The following PIK3CB variants were observed in gnomAD, a reference collection of about 807,000 sequenced individuals.
PIK3CB encodes the protein phosphatidylinositol-4,5-bisphosphate 3-kinase catalytic subunit beta, also known as phosphatidylinositol 4,5-bisphosphate 3-kinase catalytic subunit beta isoform.
Under a neutral mutation model 136.8 loss-of-function variants are expected in PIK3CB, and 39 were observed. The observed-to-expected ratio is 0.29, with a 90% CI of 0.22 to 0.37. PIK3CB has a LOEUF of 0.37. PIK3CB is among the 10% of genes least tolerant of loss of function. PIK3CB has a pLI of 1.00. For synonymous variants in PIK3CB, 428 were observed against 436.6 expected, an observed-to-expected ratio of 0.98 and a Z score of 0.25; for missense variants, 868 against 1,275.4, an observed-to-expected ratio of 0.68 and a Z score of 4.87.
intron 4 of PIK3CB, among the ~76,000 whole-genome samples, chr3:138,746,247 A>G (rs1401110998): frequency 6.6e-6 from 1 of 152,206 alleles, no homozygotes; most frequent in Non-Finnish European, 1.5e-5. Context: ...CTGTTCAGGC[A>G]GGTATCTATT....
chr3:138,684,409 C>A (rs1473407886), intron 17 of PIK3CB, among the ~76,000 whole-genome samples: 1 of 152,104 alleles, frequency 6.6e-6, no homozygotes, highest in Non-Finnish European at 1.5e-5. Flanking sequence ...AATATAAATT[C>A]ATTTGTAATA....
intron 8 of PIK3CB, among the ~76,000 whole-genome samples, chr3:138,725,107 C>T (rs1172646119): frequency 6.6e-6 from 1 of 152,068 alleles, no homozygotes; most frequent in Non-Finnish European, 1.5e-5. Context: ...CCAGACTTCA[C>T]TTCTATGCAA....
At chr3:138,801,588 TAGCCAGGCGC>T (rs1286452498) in intron 1 of PIK3CB, among the ~76,000 whole-genome samples, 1 of 151,684 alleles carries the variant, frequency 6.6e-6, no homozygotes, top group Admixed American at 6.6e-5. Context: ...AATAAAAAAT[TAGCCAGGCGC>T]GGTAGCTCAC....
intron 19 of PIK3CB, among the ~76,000 whole-genome samples, chr3:138,671,792 G>A (rs2043538323): frequency 6.6e-6 from 1 of 152,284 alleles, no homozygotes; most frequent in South Asian, 2.1e-4. Flanking sequence ...GGGCACGACA[G>A]CCTTTATTCC....
chr3:138,725,368 C>G (rs1223843809), intron 8 of PIK3CB, among the ~76,000 whole-genome samples: 2 of 152,074 alleles, frequency 1.3e-5, no homozygotes, highest in African/African-American at 2.4e-5. Flanking sequence ...GTGTTTCTGT[C>G]TTTTGCTGAC....
At chr3:138,801,149 T>C (rs531675103) in intron 1 of PIK3CB, among the ~76,000 whole-genome samples, 51 of 152,162 alleles carry the variant, frequency 3.4e-4, no homozygotes, top group South Asian at 8.3e-4. Context: ...CTAACAAAAT[T>C]CTCTAGGCAC....
At chr3:138,825,126 G>T in intron 1 of PIK3CB, 1 of 290,466 alleles carries the variant, frequency 3.4e-6, no homozygotes, top group South Asian at 6.9e-5. Flanking sequence ...CTGGGTCTTG[G>T]ATAAACTGAA....
intron 2 of PIK3CB, among the ~76,000 whole-genome samples, chr3:138,762,902 G>A (rs535464548): frequency 2.0e-5 from 3 of 152,202 alleles, no homozygotes; most frequent in African/African-American, 7.2e-5. Context: ...GGAGGTTGCA[G>A]TGGGCCAAGA....
chr3:138,754,824 A>G (rs1489568599), intron 4 of PIK3CB, among the ~76,000 whole-genome samples: 1 of 152,200 alleles, frequency 6.6e-6, no homozygotes, highest in Non-Finnish European at 1.5e-5. Context: ...AATCTGATCA[A>G]TACAGGTACC....
At chr3:138,734,923 G>C in intron 6 of PIK3CB, 119 bp from the exon 7 acceptor site, 12 of 508,218 alleles carry the variant, frequency 2.4e-5, no homozygotes, top group Non-Finnish European at 3.6e-5. Context: ...TTAAACCACA[G>C]CAGAATATCA....
At chr3:138,748,188 CA>C (rs1204663655) in intron 4 of PIK3CB, among the ~76,000 whole-genome samples, 1 of 148,722 alleles carries the variant, frequency 6.7e-6, no homozygotes, top group East Asian at 1.9e-4. Context: ...CACACACACA[CA>C]CACACACATC....
intron 12 of PIK3CB, among the ~76,000 whole-genome samples, chr3:138,702,244 T>TC (rs1189851705): frequency 6.6e-6 from 1 of 150,904 alleles, no homozygotes; most frequent in African/African-American, 2.4e-5. Flanking sequence ...GTTAATACTT[T>TC]TTTTTTTTTT....
At chr3:138,804,938 T>C (rs2046215774) in intron 1 of PIK3CB, among the ~76,000 whole-genome samples, 1 of 151,998 alleles carries the variant, frequency 6.6e-6, no homozygotes, top group South Asian at 2.1e-4. Flanking sequence ...GGCAGGAGAA[T>C]GGCATGAACC....
intron 2 of PIK3CB, among the ~76,000 whole-genome samples, chr3:138,761,372 A>G (rs1051052467): frequency 5.9e-5 from 9 of 152,242 alleles, no homozygotes; most frequent in African/African-American, 2.2e-4. Context: ...CAGCTAATCA[A>G]TATCAAGAAG....
At chr3:138,738,292 C>T (rs1344856129) in intron 5 of PIK3CB, among the ~76,000 whole-genome samples, 1 of 152,126 alleles carries the variant, frequency 6.6e-6, no homozygotes, top group African/African-American at 2.4e-5. Flanking sequence ...CTGTCTCAGC[C>T]TCCTGAGGAG....
At chr3:138,790,914 G>C (rs13058794) in intron 2 of PIK3CB, among the ~76,000 whole-genome samples, 1 of 150,664 alleles carries the variant, frequency 6.6e-6, no homozygotes, top group African/African-American at 2.4e-5. Context: ...AGCAAGCCGA[G>C]ATCACACCAC....
chr3:138,765,803 G>A (rs142493899), intron 2 of PIK3CB, among the ~76,000 whole-genome samples: 228 of 151,762 alleles, frequency 1.5e-3, no homozygotes, highest in Admixed American at 2.8e-3. Context: ...GCTATGAGCT[G>A]TGATCATGCC....
chr3:138,684,657 G>T lies in PIK3CB; in HGVS notation c.2283C>A (p.Pro761=). ...CTGAGAGGATAACACATGGGTTCAG[G>T]GGTGACTGCAGGTCAGAGAGGGCTT... ...YREALSDLQS[P]LNPCVILSEL... is the part of the protein sequence containing the mutation. The change falls in exon 17 of 24, where the codon CCC becomes CCA. Residue 761 remains proline, a synonymous_variant. Coordinates refer to ENST00000674063, the MANE Select transcript of PIK3CB (RefSeq NM_006219.3). The T allele has an allele frequency of 6.2e-7, 1 of 1,613,768 alleles. No homozygotes were observed. The highest frequency in any genetic ancestry group is 8.5e-7 in the Non-Finnish European group (1 of 1,179,856).
chr3:138,736,778 G>T (rs2045115063), intron 6 of PIK3CB, among the ~76,000 whole-genome samples: 10 of 152,126 alleles, frequency 6.6e-5, no homozygotes, highest in Admixed American at 6.6e-4. Context: ...GATTAATAAA[G>T]GCTTTTGAGA....
Sources: gnomAD v4.1 joint callset for allele counts (sites outside exome capture counted in the v4.1 genomes callset) on GRCh38, gnomAD v4.1.1 for gene constraint, MANE v1.5 for transcripts, NCBI Gene and HGNC (gene_info 2026-07-23, HGNC 2026-07-21) for gene names.